Variants in PHLDB2 observed in about 807,000 individuals in gnomAD.
The protein encoded by PHLDB2 is pleckstrin homology-like domain family B member 2.
Under a neutral mutation model 123.6 loss-of-function variants are expected in PHLDB2, and 71 were observed. The ratio of observed to expected loss-of-function variants is 0.57; its 90% CI spans 0.47 to 0.70. The LOEUF (loss-of-function observed/expected upper bound fraction) is 0.70, where lower values mean the gene tolerates loss of function less well. PHLDB2 is among the 30% of genes least tolerant of loss of function. The probability of loss-of-function intolerance (pLI) is 0.00; values close to 1 mark genes in which losing one functional copy is unlikely to be tolerated. For synonymous variants in PHLDB2, 547 were observed against 541.6 expected (o/e 1.01, Z -0.14); for missense variants, 1,446 against 1,519.5 (o/e 0.95, Z 0.80).
At chr3:111,788,350 A>G (rs908187868) in intron 1 of PHLDB2, among the ~76,000 whole-genome samples, 1 of 152,248 alleles carries the variant, frequency 6.6e-6, no homozygotes, top group African/African-American at 2.4e-5. Context: ...AAATTCACCC[A>G]GGTCAGAAGT....
At chr3:111,871,493 C>CAAA (rs373679896) in intron 1 of PHLDB2, among the ~76,000 whole-genome samples, 2 of 140,866 alleles carry the variant, frequency 1.4e-5, no homozygotes, top group Non-Finnish European at 3.1e-5. Context: ...ACAAAAAGTA[C>CAAA]AAAAAAAAAA....
intron 1 of PHLDB2, among the ~76,000 whole-genome samples, chr3:111,767,395 GCTT>G (rs1482969955): frequency 5.9e-5 from 9 of 152,176 alleles, no homozygotes; most frequent in Non-Finnish European, 1.3e-4. Flanking sequence ...CATTAAGTAT[GCTT>G]CTTGTAGATT....
chr3:111,789,830 G>A (rs563815455), intron 1 of PHLDB2, among the ~76,000 whole-genome samples: 3 of 152,210 alleles, frequency 2.0e-5, no homozygotes, highest in South Asian at 4.1e-4. Context: ...TTTTTGTTTG[G>A]CCCTTGTCTT....
At chr3:111,866,930 G>GGGGT (rs368134623) in intron 1 of PHLDB2, among the ~76,000 whole-genome samples, 6 of 126,004 alleles carry the variant, frequency 4.8e-5, no homozygotes, top group African/African-American at 1.7e-4. Context: ...GTTTCTAAGG[G>GGGGT]GTGTGTGTGT....
At chr3:111,747,182 A>G (rs918313448) in intron 1 of PHLDB2, among the ~76,000 whole-genome samples, 4 of 152,226 alleles carry the variant, frequency 2.6e-5, no homozygotes, top group Admixed American at 6.5e-5. Flanking sequence ...TCTTATGAGT[A>G]TTAAAAATAT....
At chr3:111,842,400 T>C (rs1270465918) in intron 1 of PHLDB2, among the ~76,000 whole-genome samples, 1 of 152,230 alleles carries the variant, frequency 6.6e-6, no homozygotes, top group African/African-American at 2.4e-5. Context: ...GTGTTACAAC[T>C]GGTGAACTGG....
intron 1 of PHLDB2, among the ~76,000 whole-genome samples, chr3:111,743,633 C>A (rs1379065070): frequency 6.6e-6 from 1 of 152,186 alleles, no homozygotes; most frequent in South Asian, 2.1e-4. Flanking sequence ...TCCCAATAGC[C>A]TACATTAGCA....
At chr3:111,850,887 A>T (rs1473074654) in intron 2 of PHLDB2, among the ~76,000 whole-genome samples, 1 of 152,168 alleles carries the variant, frequency 6.6e-6, no homozygotes, top group East Asian at 1.9e-4. Flanking sequence ...CTCCAGTCAG[A>T]GTTGAGTGCT....
intron 1 of PHLDB2, chr3:111,859,896 A>T (rs2064727870): frequency 7.2e-6 from 7 of 975,976 alleles, no homozygotes; most frequent in African/African-American, 1.8e-5. Context: ...GGCTCCGGGG[A>T]CACAGAGTTT....
intron 11 of PHLDB2, 21 bp downstream of exon 11, chr3:111,952,733 C>T (rs765378940): frequency 1.0e-5 from 16 of 1,602,534 alleles, no homozygotes; most frequent in Middle Eastern, 1.7e-4. Context: ...GGAGAAACCA[C>T]GGGCTTCCCA....
At chr3:111,907,664 T>C (rs979637655) in intron 2 of PHLDB2, among the ~76,000 whole-genome samples, 5 of 152,090 alleles carry the variant, frequency 3.3e-5, no homozygotes, top group African/African-American at 1.2e-4. Context: ...CCCAGCTGAT[T>C]TTTGTATTTT....
chr3:111,805,342 C>T (rs373371509), intron 1 of PHLDB2, among the ~76,000 whole-genome samples: 12 of 152,032 alleles, frequency 7.9e-5, no homozygotes, highest in African/African-American at 2.4e-4. Context: ...GGGCAGATCA[C>T]GAGGTCAGGA....
chr3:111,881,938 T>C (rs1361150675), intron 1 of PHLDB2, among the ~76,000 whole-genome samples: 3 of 152,110 alleles, frequency 2.0e-5, no homozygotes. Flanking sequence ...AATAAGAAAA[T>C]GACACTCCTT....
At chr3:111,860,589 C>G (rs919812409) in intron 1 of PHLDB2, among the ~76,000 whole-genome samples, 2 of 152,212 alleles carry the variant, frequency 1.3e-5, no homozygotes, top group Non-Finnish European at 1.5e-5. Context: ...GACAGGCTGT[C>G]CCTCCCAGGG....
chr3:111,789,349 C>T (rs766082238), intron 1 of PHLDB2, among the ~76,000 whole-genome samples: 4 of 152,088 alleles, frequency 2.6e-5, no homozygotes, highest in Non-Finnish European at 4.4e-5. Flanking sequence ...TTTGTTCAAC[C>T]AACAATTAAG....
chr3:111,972,760 T>C (rs2072291057), intron 16 of PHLDB2, among the ~76,000 whole-genome samples: 1 of 152,202 alleles, frequency 6.6e-6, no homozygotes, highest in African/African-American at 2.4e-5. Context: ...GGTCTATAAT[T>C]GAATCAGTCT....
intron 2 of PHLDB2, among the ~76,000 whole-genome samples, chr3:111,909,007 A>G (rs1286822458): frequency 6.6e-6 from 1 of 152,034 alleles, no homozygotes; most frequent in Non-Finnish European, 1.5e-5. Flanking sequence ...CAGGTACCTC[A>G]TTCCTCTTCC....
intron 1 of PHLDB2, among the ~76,000 whole-genome samples, chr3:111,742,953 A>G (rs558104027): frequency 2.0e-5 from 3 of 152,362 alleles, no homozygotes; most frequent in African/African-American, 7.2e-5. Flanking sequence ...TCAACATCTT[A>G]TAGAGAAAAT....
chr3:111,762,299 T>G (rs1394704876), intron 1 of PHLDB2, among the ~76,000 whole-genome samples: 1 of 152,230 alleles, frequency 6.6e-6, no homozygotes, highest in Non-Finnish European at 1.5e-5. Flanking sequence ...AGCTCATGTA[T>G]AGTAAGGCCT....
Sources: gnomAD v4.1 joint callset for allele counts (sites outside exome capture counted in the v4.1 genomes callset) on GRCh38, gnomAD v4.1.1 for gene constraint, MANE v1.5 for transcripts, NCBI Gene and HGNC (gene_info 2026-07-23, HGNC 2026-07-21) for gene names.